Variants in AHNAK observed in about 807,000 individuals in gnomAD.
AHNAK encodes neuroblast differentiation-associated protein AHNAK.
Under a neutral mutation model 37.8 loss-of-function variants are expected in AHNAK, and 23 were observed. The ratio of observed to expected loss-of-function variants is 0.61; its 90% CI spans 0.44 to 0.86. AHNAK has a LOEUF of 0.86. AHNAK is among the 40% of genes least tolerant of loss of function. AHNAK has a pLI of 0.00. For synonymous variants in AHNAK, 2,481 were observed against 2,636.3 expected (o/e 0.94, Z 1.80); for missense variants, 7,411 against 7,319.4 (o/e 1.01, Z -0.46).
At chr11:62,507,619 C>T (rs1394960081) in intron 4 of AHNAK, among the ~76,000 whole-genome samples, 5 of 152,062 alleles carry the variant, frequency 3.3e-5, no homozygotes, top group African/African-American at 9.7e-5. Context: ...GGCAAAACCC[C>T]GTCTCTACTA....
chr11:62,521,673 A>G lies in AHNAK; in HGVS notation c.12744T>C (p.Pro4248=), dbSNP rs746637916. ...TCTTGGGGGCTTTGATGTTCATCTC[A>G]GGCATCTTGAATTTAGGGCCCTTTA... ...AKLKGPKFKM[P]EMNIKAPKIS... Residue 4248 remains proline (P), a synonymous_variant, in exon 5 of 5, where the codon CCT becomes CCC. Transcript: ENST00000378024. 1.2e-6 allele frequency: 2 copies of G among 1,611,770 alleles called. No individual in the cohort carries two copies. The highest frequency in any genetic ancestry group is 2.2e-5 in the East Asian group (1 of 44,676).
chr11:62,512,921 A>G (rs1330321476), downstream of AHNAK, among the ~76,000 whole-genome samples: 2 of 150,502 alleles, frequency 1.3e-5, no homozygotes, highest in Non-Finnish European at 3.0e-5. The surrounding 1 kb of genome is among the most constrained non-coding windows in gnomAD (Gnocchi z 4.0). Context: ...GCAAGGGAGG[A>G]AGGAAGGAAG....
rs781280917 is a variant in AHNAK at position 62,532,515 on chromosome 11, G to A, written c.1902C>T (p.Pro634=). 6.2e-7 allele frequency: 1 copy of A among 1,614,000 alleles called. No individual in the cohort carries two copies. Among genetic ancestry groups the A allele is most frequent in the South Asian group, 1.1e-5 (1 of 91,072 alleles). Reference sequence around the variant, plus strand: ...CTTTGGCTCCTGGAGTGCTGAACGTGGGCATTTTCATCTTGGGCATTTTCA... The same window carrying A: ...CTTTGGCTCCTGGAGTGCTGAACGTAGGCATTTTCATCTTGGGCATTTTCA... ...WNLKMPKMKM[P]TFSTPGAKGE... is the part of the protein sequence containing the mutation. The change falls in exon 5 of 5, where the codon CCC becomes CCT. Residue 634 remains proline, a synonymous_variant. Transcript: ENST00000378024.
chr11:62,444,773 A>G (rs1315863155), intron 5 of AHNAK, among the ~76,000 whole-genome samples: 2 of 152,266 alleles, frequency 1.3e-5, no homozygotes, highest in Non-Finnish European at 2.9e-5. Flanking sequence ...GCACAAGGGC[A>G]GTGACCCTGT....
chr11:62,498,575 A>G (rs1939656562), intron 4 of AHNAK, among the ~76,000 whole-genome samples: 1 of 150,946 alleles, frequency 6.6e-6, no homozygotes, highest in South Asian at 2.1e-4. Context: ...CACGTGAGCA[A>G]CATAGTGAAC....
intron 1 of AHNAK, among the ~76,000 whole-genome samples, chr11:62,541,636 G>A (rs1403286612): frequency 6.6e-6 from 1 of 152,194 alleles, no homozygotes; most frequent in Non-Finnish European, 1.5e-5. Context: ...TCTGCAGAGC[G>A]CTCTGATGTG....
intron 1 of AHNAK, among the ~76,000 whole-genome samples, chr11:62,544,376 G>T (rs1941238300): frequency 6.6e-6 from 1 of 152,048 alleles, no homozygotes; most frequent in Admixed American, 6.5e-5. Context: ...CGCTGCTGTG[G>T]GCCTCCATAT....
At position 62,526,350 on chromosome 11, in the gene AHNAK, C is replaced by T. The variant is rs12366127; in HGVS notation, c.8067G>A (p.Lys2689=). The change falls in exon 5 of 5, where the codon AAG becomes AAA. Residue 2689 remains lysine, a synonymous_variant. Coordinates refer to ENST00000378024, the MANE Select transcript of AHNAK (RefSeq NM_001620.3). ...GCATCTTGAACTTAGGCCCTTTCAACTTTCCCTCTGGTCCTTCAATGTTAA... is the reference window on the plus strand; with the variant it reads ...GCATCTTGAACTTAGGCCCTTTCAATTTTCCCTCTGGTCCTTCAATGTTAA... ...PDVNIEGPEG[K]LKGPKFKMPE... is the part of the protein sequence containing the mutation. The T allele has an allele frequency of 0.097, 156,789 of 1,611,946 alleles. 8,880 individuals are homozygous for T. The highest frequency in any genetic ancestry group is 0.26 in the East Asian group (11,571 of 44,696).
intron 5 of AHNAK, among the ~76,000 whole-genome samples, chr11:62,452,157 C>T (rs1463787833): frequency 6.6e-6 from 1 of 152,182 alleles, no homozygotes; most frequent in Non-Finnish European, 1.5e-5. Context: ...ACAAATCCCA[C>T]CCCAAAGAGA....
chr11:62,435,111 C>T (rs1430791493), intron 5 of AHNAK, among the ~76,000 whole-genome samples: 10 of 152,252 alleles, frequency 6.6e-5, no homozygotes, highest in African/African-American at 2.4e-4. Context: ...TGCCCTCCCC[C>T]TAATTGAGAA....
chr11:62,450,242 C>T (rs1183357406), intron 5 of AHNAK, among the ~76,000 whole-genome samples: 1 of 152,068 alleles, frequency 6.6e-6, no homozygotes, highest in East Asian at 1.9e-4. Flanking sequence ...ACGGCAACCT[C>T]TGCCTCCTGG....
rs1176564966 is a variant in AHNAK, at chr11:62,524,538, G to C, written c.9879C>G (p.Ile3293Met). 1 of 1,614,150 alleles carries C rather than the reference G, an allele frequency of 6.2e-7. No homozygotes were observed. The highest frequency in any genetic ancestry group is 1.1e-5 in the South Asian group (1 of 91,068). Residue 3293 changes from isoleucine (I) to methionine (M), a missense_variant, in exon 5 of 5, where the codon ATC becomes ATG. Coordinates refer to ENST00000378024, the MANE Select transcript of AHNAK (RefSeq NM_001620.3). ...AATTCAAGTCAATTTCTGGCATGGA[G>C]ATCTTGGGCATGTTTACATGCATGT... Reference protein sequence around the residue: ...MPDMHVNMPKISMPEIDLNLK... With the variant: ...MPDMHVNMPKMSMPEIDLNLK...
intron 1 of AHNAK, among the ~76,000 whole-genome samples, chr11:62,544,915 A>G (rs1941258316): frequency 6.6e-6 from 1 of 152,062 alleles, no homozygotes; most frequent in Non-Finnish European, 1.5e-5. Context: ...CCCAACACCT[A>G]CCATGCACTA....
chr11:62,529,967 C>A lies in AHNAK; in HGVS notation c.4450G>T (p.Asp1484Tyr), dbSNP rs1442863265. ...ACTTTGGGGCCTTTGATGTCAACAT[C>A]AGGAGCTTTTATCTCTCCTTCTACT... ...PKVEGEIKAP[D>Y]VDIKGPKVDI... The change falls in exon 5 of 5, where the codon GAT becomes TAT. Residue 1484 changes from aspartate (D) to tyrosine (Y), a missense_variant. Coordinates refer to ENST00000378024, the MANE Select transcript of AHNAK (RefSeq NM_001620.3). 3 of 1,613,198 alleles carry A rather than the reference C, an allele frequency of 1.9e-6. No individual in the cohort carries two copies. In the African/African-American group the frequency reaches 4.0e-5, roughly 22 times the overall value.
At position 62,527,717 on chromosome 11, in the gene AHNAK, C is replaced by G; in HGVS notation, c.6700G>C (p.Val2234Leu). 1 of 1,614,072 alleles carries G rather than the reference C, an allele frequency of 6.2e-7. No individual in the cohort carries two copies. Among genetic ancestry groups the G allele is most frequent in the Non-Finnish European group, 8.5e-7 (1 of 1,180,028 alleles). The change falls in exon 5 of 5, where the codon GTT (valine) becomes CTT (leucine). Residue 2234 changes from valine to leucine, a missense_variant. By Grantham distance (32) the Val-to-Leu change is conservative. Transcript: ENST00000378024. The stretch of plus-strand genomic sequence containing the variant: ...TTCAGGTGCCAGTCTGGGCCATGAA[C>G]ATCCACATCTGGGGCATCAATGTCC... ...KVDIDAPDVD[V>L]HGPDWHLKMP...
intron 4 of AHNAK, 151 bp from the exon 5 acceptor site, chr11:62,534,225 G>C: frequency 1.4e-6 from 1 of 694,638 alleles, no homozygotes; most frequent in Non-Finnish European, 2.3e-6. Context: ...GCACAGCACA[G>C]GGGAGTGAAG....
rs374314479 is a variant in AHNAK at position 62,532,404 on chromosome 11, G to A, written c.2013C>T (p.Val671=). 7 of 1,614,064 alleles carry A rather than the reference G, an allele frequency of 4.3e-6. No individual in the cohort carries two copies. In the African/African-American group the frequency reaches 9.3e-5, roughly 22 times the overall value. The change falls in exon 5 of 5, where the codon GTC becomes GTT. Residue 671 remains valine (V), a synonymous_variant. Transcript: ENST00000378024. ...GPKVNVEAPD[V]NLEGLGGKLK... ...GTTTTCCCCCCAGACCCTCCAAGTT[G>A]ACATCTGGGGCTTCCACATTGACCT...
chr11:62,485,721 A>AG (rs1398990147), intron 5 of AHNAK, among the ~76,000 whole-genome samples: 1 of 142,562 alleles, frequency 7.0e-6, no homozygotes, highest in Non-Finnish European at 1.5e-5. Flanking sequence ...AAAAAAAAAA[A>AG]AGAATAACAG....
At position 62,530,813 on chromosome 11, in the gene AHNAK, A is replaced by T. The variant is rs1458865688; in HGVS notation, c.3604T>A (p.Leu1202Ile). The T allele has an allele frequency of 3.7e-6, 6 of 1,605,536 alleles. No homozygotes were observed. Among genetic ancestry groups the T allele is most frequent in the Non-Finnish European group, 4.2e-6 (5 of 1,177,082 alleles). ...TTGACTTTGGGGCCTTTCAAGTGTA[A>T]GTCCACATCAGGCATGGAGATCTTG... ...TPKISMPDVDLHLKGPKVKGD... is the reference protein window; with the variant it reads ...TPKISMPDVDIHLKGPKVKGD... Residue 1202 changes from leucine (L) to isoleucine (I), a missense_variant, in exon 5 of 5, where the codon TTA becomes ATA. Leu to Ile is a conservative substitution (Grantham distance 5, BLOSUM62 2). Transcript: ENST00000378024.
Sources: gnomAD v4.1 joint callset for allele counts (sites outside exome capture counted in the v4.1 genomes callset) on GRCh38, gnomAD v4.1.1 for gene constraint, Gnocchi (gnomAD v3.1) non-coding constraint, MANE v1.5 for transcripts, NCBI Gene and HGNC (gene_info 2026-07-23, HGNC 2026-07-21) for gene names.